MACROD2: variants seen among roughly 807,000 people sequenced by gnomAD.
The protein encoded by MACROD2 is mono-ADP ribosylhydrolase 2.
In MACROD2, 36 loss-of-function variants were observed where a neutral mutation model predicts 70.4. The observed-to-expected ratio is 0.51, with a 90% confidence interval of 0.39 to 0.68. The LOEUF is 0.68. Ranked by LOEUF, MACROD2 falls within the 30% of genes least tolerant of loss-of-function variation. The probability of loss-of-function intolerance (pLI) is 0.00; values close to 1 mark genes in which losing one functional copy is unlikely to be tolerated. For synonymous variants in MACROD2, 172 were observed against 178.8 expected, an observed-to-expected ratio of 0.96 and a Z score of 0.30; for missense variants, 496 against 538.4, an observed-to-expected ratio of 0.92 and a Z score of 0.78.
chr20:15,165,909 T>C (rs2076380409), intron 5 of MACROD2, among the ~76,000 whole-genome samples: 1 of 151,984 alleles, frequency 6.6e-6, no homozygotes, highest in South Asian at 2.1e-4. Flanking sequence ...AACTGGTAAA[T>C]GCAATGAAAA....
intron 5 of MACROD2, among the ~76,000 whole-genome samples, chr20:15,177,319 G>C (rs1337677956): frequency 6.6e-6 from 1 of 152,238 alleles, no homozygotes; most frequent in Non-Finnish European, 1.5e-5. Flanking sequence ...CTAGAAGGTT[G>C]AATACGCACT....
intron 15 of MACROD2, among the ~76,000 whole-genome samples, chr20:16,012,963 C>T (rs184607521): frequency 1.6e-4 from 25 of 152,248 alleles, no homozygotes; most frequent in Non-Finnish European, 2.9e-4. Context: ...GGATGGATCA[C>T]GAGGTCAAGA....
At chr20:15,057,597 G>A (rs908635215) in intron 5 of MACROD2, among the ~76,000 whole-genome samples, 27 of 152,110 alleles carry the variant, frequency 1.8e-4, no homozygotes, top group African/African-American at 7.2e-5. Context: ...GACACTAACC[G>A]TATTGCATTA....
chr20:15,611,642 T>C (rs531371888), intron 8 of MACROD2, among the ~76,000 whole-genome samples: 110 of 151,898 alleles, frequency 7.2e-4, no homozygotes, highest in African/African-American at 2.4e-3. Context: ...TTGTGATTAA[T>C]TACCTGTGAC....
chr20:14,768,036 C>T (rs2072114662), intron 5 of MACROD2, among the ~76,000 whole-genome samples: 1 of 152,024 alleles, frequency 6.6e-6, no homozygotes, highest in African/African-American at 2.4e-5. Flanking sequence ...TCCAGTCTAT[C>T]GTTGTTGGAC....
rs116659077 is a variant in MACROD2 at position 14,788,557 on chromosome 20, G to T, written c.418+103598G>T. On this transcript the variant is annotated intron_variant, in intron 5 of 17. Coordinates refer to ENST00000684519, the MANE Select transcript of MACROD2 (RefSeq NM_001351661.2). ...GCCGAGATGTAGCCTCCAGCCTGGG[G>T]CAACCAAAGTGAGATCACATCTCAA... 3.6e-3 allele frequency among the ~76,000 whole-genome samples: 510 copies of T among 140,754 alleles called. 7 individuals carry two copies. The highest frequency in any genetic ancestry group is 0.013 in the African/African-American group (486 of 37,198). 92.3% of individuals were successfully genotyped at this position (140,754 alleles called of 152,430 possible). A position where few individuals can be genotyped will look rare whatever the true frequency, so the allele number is the denominator to read the frequency against.
intron 6 of MACROD2, among the ~76,000 whole-genome samples, chr20:15,257,869 A>G (rs1407276064): frequency 6.6e-6 from 1 of 152,064 alleles, no homozygotes; most frequent in African/African-American, 2.4e-5. Flanking sequence ...ATTCCAGAAG[A>G]AGGCACTGTT....
chr20:14,344,788 T>G (rs1040662042), intron 3 of MACROD2, among the ~76,000 whole-genome samples: 6 of 152,236 alleles, frequency 3.9e-5, no homozygotes, highest in African/African-American at 1.4e-4. Context: ...TTTAAAGTTA[T>G]TAATTTTTGT....
At chr20:15,463,471 C>T (rs1391940527) in intron 7 of MACROD2, among the ~76,000 whole-genome samples, 1 of 152,106 alleles carries the variant, frequency 6.6e-6, no homozygotes, top group Non-Finnish European at 1.5e-5. Context: ...ACTTTTAGGC[C>T]AGGTGTGGTG....
intron 4 of MACROD2, among the ~76,000 whole-genome samples, chr20:14,506,051 G>A (rs921958283): frequency 3.9e-5 from 6 of 152,164 alleles, no homozygotes; most frequent in Non-Finnish European, 7.4e-5. Context: ...GAGTGTTGGG[G>A]GGTGGGCAGG....
At chr20:14,806,336 G>A (rs781394375) in intron 5 of MACROD2, among the ~76,000 whole-genome samples, 5 of 152,074 alleles carry the variant, frequency 3.3e-5, no homozygotes, top group African/African-American at 4.8e-5. Flanking sequence ...TTGCCTCACT[G>A]AAGAAGCACA....
chr20:14,520,372 A>G (rs1042301673), intron 4 of MACROD2, among the ~76,000 whole-genome samples: 10 of 152,092 alleles, frequency 6.6e-5, no homozygotes, highest in Non-Finnish European at 1.3e-4. Flanking sequence ...ATGATTCATT[A>G]TGCCTGAATT....
chr20:14,892,101 A>C (rs899133850), intron 5 of MACROD2, among the ~76,000 whole-genome samples: 2 of 152,144 alleles, frequency 1.3e-5, no homozygotes, highest in Non-Finnish European at 1.5e-5. Context: ...TTTCTTTTTC[A>C]TGACATACCA....
Position 15,236,016 on chromosome 20 carries a change from A to G in MACROD2, c.540+5955A>G, listed in dbSNP as rs193274416. The stretch of plus-strand genomic sequence containing the variant: ...TGGGTTTCTAACAGCTGTGTGACTA[A>G]CAATACTATTAATAAGTAACAAGAA... On this transcript the variant is annotated intron_variant, in intron 6 of 17. Coordinates refer to ENST00000684519, the MANE Select transcript of MACROD2 (RefSeq NM_001351661.2). Among the ~76,000 whole-genome samples, 9 of 152,340 alleles carry G rather than the reference A, an allele frequency of 5.9e-5. No individual in the cohort carries two copies. The East Asian group carries it at 1.7e-3, about 29-fold the overall frequency.
At chr20:14,150,583 A>T (rs1330617215) in intron 3 of MACROD2, among the ~76,000 whole-genome samples, 1 of 152,172 alleles carries the variant, frequency 6.6e-6, no homozygotes, top group Non-Finnish European at 1.5e-5. Flanking sequence ...GAAGGGATTG[A>T]TTATCTCTCA....
At chr20:14,272,144 T>C (rs556683769) in intron 3 of MACROD2, among the ~76,000 whole-genome samples, 2,345 of 151,600 alleles carry the variant, frequency 0.015, 24 homozygotes, top group African/African-American at 0.027. Context: ...ATACAGAGAA[T>C]GCCACAAAGA....
chr20:14,158,823 A>G (rs1408190512), intron 3 of MACROD2, among the ~76,000 whole-genome samples: 4 of 152,076 alleles, frequency 2.6e-5, no homozygotes, highest in African/African-American at 9.7e-5. Flanking sequence ...CTTTTAATAT[A>G]TTTCTAAGTC....
intron 5 of MACROD2, among the ~76,000 whole-genome samples, chr20:15,010,895 A>G (rs1354915400): frequency 1.3e-5 from 2 of 152,104 alleles, no homozygotes; most frequent in East Asian, 3.9e-4. Context: ...CCTATTTTAG[A>G]TGTGTTTCTC....
In MACROD2 at chr20:14,001,916, C is replaced by T. The variant is rs1390074317; in HGVS notation, c.47-372C>T. On this transcript the variant is annotated intron_variant, in intron 1 of 17. Coordinates refer to ENST00000684519, the MANE Select transcript of MACROD2 (RefSeq NM_001351661.2). ...CATGACCCAATTACCTCCCACTAGA[C>T]ACCATGTCACACATTGGGGATTACA... 2.0e-5 allele frequency among the ~76,000 whole-genome samples: 3 copies of T among 152,322 alleles called. No individual in the cohort carries two copies. In the East Asian group the frequency reaches 5.8e-4, roughly 29 times the overall value.
Sources: allele counts gnomAD v4.1 joint callset (sites outside exome capture counted in the v4.1 genomes callset), GRCh38; gene constraint gnomAD v4.1.1; transcripts MANE v1.5; gene names NCBI Gene and HGNC (gene_info 2026-07-23, HGNC 2026-07-21).